Variants in PARD6B observed in about 807,000 individuals in gnomAD.
The protein encoded by PARD6B is par-6 family cell polarity regulator beta, also known as partitioning defective 6 homolog beta.
In PARD6B, 4 loss-of-function variants were observed where a neutral mutation model predicts 10.5. The ratio of observed to expected loss-of-function variants is 0.38; its 90% confidence interval spans 0.19 to 0.87. The LOEUF (loss-of-function observed/expected upper bound fraction) is 0.87. PARD6B is among the 40% of genes least tolerant of loss of function. PARD6B has a pLI of 0.41. For missense variants in PARD6B, 396 were observed against 470.6 expected, an observed-to-expected ratio of 0.84 and a Z score of 1.47; for synonymous variants, 169 against 170.4, an observed-to-expected ratio of 0.99 and a Z score of 0.07.
intron 2 of PARD6B, among the ~76,000 whole-genome samples, chr20:50,745,565 T>G (rs1476037487): frequency 6.6e-6 from 1 of 152,158 alleles, no homozygotes; most frequent in Non-Finnish European, 1.5e-5. Context: ...AGTGGTGCCA[T>G]CTTAGCGTAC....
chr20:50,750,954 ATTTTTTTTTTTTTTTTTTTT>A lies in PARD6B; in HGVS notation c.*479_*498del, dbSNP rs565068464. Reference sequence around the variant, plus strand: ...CTCATGTTCCCAATATTTTATTTTGATTTTTTTTTTTTTTTTTTTTTTTTTTTTTTTTAGTGACTGGGTCT... The same window carrying A: ...CTCATGTTCCCAATATTTTATTTTGATTTTTTTTTTTTAGTGACTGGGTCT... On this transcript the variant is annotated 3_prime_UTR_variant, in exon 3 of 3. Transcript: ENST00000371610. 254 of 387,864 alleles carry A rather than the reference ATTTTTTTTTTTTTTTTTTTT, an allele frequency of 6.5e-4. 1 individual carries two copies. Among genetic ancestry groups the A allele is most frequent in the Non-Finnish European group, 7.3e-4 (239 of 327,660 alleles). The allele number at this position is 387,864 out of a possible 1,614,324, so 24.0% of individuals were successfully genotyped here. A position where few individuals can be genotyped will look rare whatever the true frequency, so the allele number is the denominator to read the frequency against.
In PARD6B at chr20:50,749,858, C is replaced by T. The variant is rs193145616; in HGVS notation, c.489C>T (p.Tyr163=). ...ETHRRVRLYK[Y]GTEKPLGFYI... is the part of the protein sequence containing the mutation. ...ATCGTAGGGTACGTCTTTACAAATA[C>T]GGCACGGAGAAACCCCTAGGATTCT... Residue 163 remains tyrosine, a synonymous_variant, in exon 3 of 3, where the codon TAC becomes TAT. Coordinates refer to ENST00000371610, the MANE Select transcript of PARD6B (RefSeq NM_032521.3). The T allele has an allele frequency of 3.7e-5, 60 of 1,614,104 alleles. No homozygotes were observed. The highest frequency in any genetic ancestry group is 1.5e-4 in the South Asian group (14 of 91,080).
rs552729920 is a variant in PARD6B, at chr20:50,750,423, G to A, written c.1054G>A (p.Glu352Lys). 2.5e-6 allele frequency: 4 copies of A among 1,614,168 alleles called. No individual in the cohort carries two copies. In the East Asian group the frequency reaches 6.7e-5, roughly 27 times the overall value. ...AGCCATAGCAAGCAGCTCAAACACG[G>A]AATTTGAAACACATGCTCCAGATCA... Reference protein sequence around the residue: ...LAAIASSSNTEFETHAPDQKL... With the variant: ...LAAIASSSNTKFETHAPDQKL... The change falls in exon 3 of 3, where the codon GAA (glutamate) becomes AAA (lysine). Residue 352 changes from glutamate to lysine, a missense_variant. By Grantham distance (56) the Glu-to-Lys change is moderately conservative. Coordinates refer to ENST00000371610, the MANE Select transcript of PARD6B (RefSeq NM_032521.3).
intron 2 of PARD6B, among the ~76,000 whole-genome samples, chr20:50,744,762 A>G (rs1284842308): frequency 2.6e-5 from 4 of 151,570 alleles, no homozygotes; most frequent in Admixed American, 6.6e-5. Flanking sequence ...GCCTTCTACT[A>G]TTAGCCCCTG....
rs756730831 is a variant in PARD6B at position 50,750,386 on chromosome 20, A to G, written c.1017A>G (p.Glu339=). ...SGQNGFIPSN[E]VSLAAIASSS... ...AGAATGGCTTTATTCCCTCTAATGA[A>G]GTGAGCTTAGCAGCCATAGCAAGCA... The change falls in exon 3 of 3, where the codon GAA becomes GAG. Residue 339 remains glutamate, a synonymous_variant. Coordinates refer to ENST00000371610, the MANE Select transcript of PARD6B (RefSeq NM_032521.3). 1 of 1,614,226 alleles carries G rather than the reference A, an allele frequency of 6.2e-7. No homozygotes were observed. The highest frequency in any genetic ancestry group is 1.1e-5 in the South Asian group (1 of 91,084).
chr20:50,745,307 C>G (rs370770983), intron 2 of PARD6B, among the ~76,000 whole-genome samples: 73 of 152,016 alleles, frequency 4.8e-4, no homozygotes, highest in African/African-American at 1.5e-3. Flanking sequence ...GCTTGTAATC[C>G]CAGCTACTCG....
chr20:50,752,441 A>C lies in PARD6B; in HGVS notation c.*1953A>C. ...TGACAGGTAGAGTTTATCACTATTA[A>C]TTTTATGAGGCTATTTATTACTTTC... On this transcript the variant is annotated 3_prime_UTR_variant, in exon 3 of 3. Coordinates refer to ENST00000371610, the MANE Select transcript of PARD6B (RefSeq NM_032521.3). 1.0e-6 allele frequency: 1 copy of C among 985,660 alleles called. No homozygotes were observed. Among genetic ancestry groups the C allele is most frequent in the Non-Finnish European group, 1.2e-6 (1 of 829,792 alleles). The allele number at this position is 985,660 out of a possible 1,614,324, so 61.1% of individuals were successfully genotyped here.
At chr20:50,744,492 A>AT (rs1478826593) in intron 2 of PARD6B, among the ~76,000 whole-genome samples, 4 of 152,078 alleles carry the variant, frequency 2.6e-5, no homozygotes, top group African/African-American at 9.7e-5. Context: ...GAAAAACCAA[A>AT]TGAGTTCACT....
intron 2 of PARD6B, among the ~76,000 whole-genome samples, chr20:50,743,458 A>G (rs2087542218): frequency 6.6e-6 from 1 of 152,188 alleles, no homozygotes; most frequent in South Asian, 2.1e-4. Context: ...GGGCATCTAA[A>G]TCATCTCTTA....
intron 1 of PARD6B, among the ~76,000 whole-genome samples, chr20:50,732,240 C>G (rs2087475589): frequency 6.6e-6 from 1 of 152,324 alleles, no homozygotes. Flanking sequence ...TGGACCACCC[C>G]GTTGTTCCCA....
Position 50,751,539 on chromosome 20 carries a change from G to A in PARD6B, c.*1051G>A. On this transcript the variant is annotated 3_prime_UTR_variant, in exon 3 of 3. Coordinates refer to ENST00000371610, the MANE Select transcript of PARD6B (RefSeq NM_032521.3). Reference sequence around the variant, plus strand: ...CCTGGCTAATTTTTAGTAGAGACGGGGTTTCGCAGTGTTAGCCAGGAAGGT... The same window carrying A: ...CCTGGCTAATTTTTAGTAGAGACGGAGTTTCGCAGTGTTAGCCAGGAAGGT... 3 of 859,026 alleles carry A rather than the reference G, an allele frequency of 3.5e-6. No homozygotes were observed. The highest frequency in any genetic ancestry group is 5.4e-5 in the South Asian group (1 of 18,640). The allele number at this position is 859,026 out of a possible 1,614,324, so 53.2% of individuals were successfully genotyped here.
intron 2 of PARD6B, among the ~76,000 whole-genome samples, chr20:50,742,543 T>C (rs979621334): frequency 6.6e-6 from 1 of 151,530 alleles, no homozygotes; most frequent in African/African-American, 2.4e-5. Flanking sequence ...TTTTTGTGTT[T>C]TCAGTAGAGA....
chr20:50,737,297 A>G lies in PARD6B; in HGVS notation c.67-560A>G, dbSNP rs1399465540. On this transcript the variant is annotated intron_variant, in intron 1 of 2. Transcript: ENST00000371610. The stretch of plus-strand genomic sequence containing the variant: ...CGTTAATTGGATAGTTATAGGACAT[A>G]CATTTGATGTATTACTGAAGCTTAT... Among the ~76,000 whole-genome samples, 3 of 152,222 alleles carry G rather than the reference A, an allele frequency of 2.0e-5. No individual in the cohort carries two copies. The South Asian group carries it at 6.2e-4, about 31-fold the overall frequency.
chr20:50,739,316 A>T (rs2087517057), intron 2 of PARD6B, among the ~76,000 whole-genome samples: 1 of 152,040 alleles, frequency 6.6e-6, no homozygotes, highest in African/African-American at 2.4e-5. Context: ...GCATGGTGGC[A>T]CATGTCTGTA....
At position 50,750,214 on chromosome 20, in the gene PARD6B, C is replaced by G. The variant is rs1479914201; in HGVS notation, c.845C>G (p.Pro282Arg). The G allele has an allele frequency of 1.2e-6, 2 of 1,614,172 alleles. No homozygotes were observed. The highest frequency in any genetic ancestry group is 1.7e-6 in the Non-Finnish European group (2 of 1,180,018). The change falls in exon 3 of 3, where the codon CCA becomes CGA. Residue 282 changes from proline (P) to arginine (R), a missense_variant. Coordinates refer to ENST00000371610, the MANE Select transcript of PARD6B (RefSeq NM_032521.3). ...CTTGGCTACCCACAGCAGATTGAAC[C>G]AAGCTTTGAGCCAGAGGATGAAGAC... is the stretch of plus-strand genomic sequence containing the variant. The part of the protein sequence containing the change: ...SLLGYPQQIE[P>R]SFEPEDEDSE...
At chr20:50,740,075 T>G (rs907422922) in intron 2 of PARD6B, among the ~76,000 whole-genome samples, 1 of 152,188 alleles carries the variant, frequency 6.6e-6, no homozygotes, top group Non-Finnish European at 1.5e-5. Flanking sequence ...TTAGGACAAA[T>G]AATCTTAACC....
chr20:50,745,285 A>G (rs112773139), intron 2 of PARD6B, among the ~76,000 whole-genome samples: 2,251 of 152,148 alleles, frequency 0.015, 54 homozygotes, highest in African/African-American at 0.047. Context: ...TTAGCCGGGC[A>G]TGGTGGTGCA....
At position 50,748,945 on chromosome 20, in the gene PARD6B, G is replaced by A. The variant is rs370192780; in HGVS notation, c.290-714G>A. Among the ~76,000 whole-genome samples, 21 of 152,216 alleles carry A rather than the reference G, an allele frequency of 1.4e-4. No homozygotes were observed. The East Asian group carries it at 1.7e-3, about 13-fold the overall frequency. On this transcript the variant is annotated intron_variant, in intron 2 of 2. Coordinates refer to ENST00000371610, the MANE Select transcript of PARD6B (RefSeq NM_032521.3). ...TCCTAGCACATTGAGAGGCTGAGGC[G>A]GGAGGATCTCCTGAGGCCAGGAGTT... is the stretch of plus-strand genomic sequence containing the variant.
chr20:50,733,405 C>T (rs938860523), intron 1 of PARD6B, among the ~76,000 whole-genome samples: 1 of 152,124 alleles, frequency 6.6e-6, no homozygotes, highest in Non-Finnish European at 1.5e-5. Flanking sequence ...GCCTGGGCAA[C>T]AAGAGCAAAA....
Sources: allele counts gnomAD v4.1 joint callset (sites outside exome capture counted in the v4.1 genomes callset), GRCh38; gene constraint gnomAD v4.1.1; transcripts MANE v1.5; gene names NCBI Gene and HGNC (gene_info 2026-07-23, HGNC 2026-07-21).